LTBP2: variants seen among roughly 807,000 people sequenced by gnomAD.
The protein encoded by LTBP2 is latent-transforming growth factor beta-binding protein 2.
A neutral mutation model predicts 210.6 loss-of-function variants in LTBP2; 103 were observed. That is an observed-to-expected ratio of 0.49 (90% CI 0.42 to 0.58). The LOEUF (loss-of-function observed/expected upper bound fraction) is 0.58. LTBP2 is among the 20% of genes least tolerant of loss of function. The pLI, the probability that LTBP2 is intolerant of heterozygous loss-of-function variation, is 0.00. For missense variants in LTBP2, 2,313 were observed against 2,494.5 expected (o/e 0.93, Z 1.55); for synonymous variants, 1,007 against 1,015.0 (o/e 0.99, Z 0.15).
At chr14:74,580,533 G>A (rs1050890086) in intron 3 of LTBP2, among the ~76,000 whole-genome samples, 1 of 152,218 alleles carries the variant, frequency 6.6e-6, no homozygotes, top group Non-Finnish European at 1.5e-5. Context: ...CTAGCAGAGA[G>A]GCACAGAACC....
At chr14:74,506,919 A>ACT in intron 26 of LTBP2, 96 bp from the exon 27 acceptor site, 1 of 1,576,192 alleles carries the variant, frequency 6.3e-7, no homozygotes, top group Non-Finnish European at 8.6e-7. Flanking sequence ...ACGCATGCAC[A>ACT]CTCTCTCGTT....
Position 74,511,375 on chromosome 14 carries a change from G to C in LTBP2, c.2909-11C>G. 1 of 1,613,898 alleles carries C rather than the reference G, an allele frequency of 6.2e-7. No homozygotes were observed. The highest frequency in any genetic ancestry group is 8.5e-7 in the Non-Finnish European group (1 of 1,179,874). ...GGCATTCGTTGATATCTGCAAAACA[G>C]CAGCCCCTCCCTTGGTCATCCCTGG... On this transcript the variant is annotated splice_polypyrimidine_tract_variant and intron_variant, in intron 18 of 35. Coordinates refer to ENST00000261978, the MANE Select transcript of LTBP2 (RefSeq NM_000428.3).
chr14:74,540,097 C>A (rs753420551), intron 8 of LTBP2, among the ~76,000 whole-genome samples: 1 of 152,062 alleles, frequency 6.6e-6, no homozygotes, highest in Non-Finnish European at 1.5e-5. Context: ...GCCCTCAGCA[C>A]CCCTCCTCAC....
chr14:74,529,413 C>T, intron 10 of LTBP2, among the ~76,000 whole-genome samples: 1 of 152,206 alleles, frequency 6.6e-6, no homozygotes, highest in African/African-American at 2.4e-5. Context: ...TGCTTGTCTC[C>T]AGTGCCGAGT....
chr14:74,581,710 G>C (rs2088138926), intron 3 of LTBP2, among the ~76,000 whole-genome samples: 1 of 152,196 alleles, frequency 6.6e-6, no homozygotes, highest in South Asian at 2.1e-4. Context: ...ATTTCAGCCT[G>C]GTGAGACCCG....
At chr14:74,509,696 T>C (rs1407890141) in intron 21 of LTBP2, 38 bp downstream of exon 21, 9 of 1,613,544 alleles carry the variant, frequency 5.6e-6, no homozygotes, top group Admixed American at 1.7e-5. Flanking sequence ...AGACAGCCTA[T>C]ATTCTGTCCC....
chr14:74,524,933 C>G (rs2087252431), intron 15 of LTBP2, among the ~76,000 whole-genome samples, 191 bp downstream of exon 15: 1 of 152,206 alleles, frequency 6.6e-6, no homozygotes, highest in Admixed American at 6.5e-5. Flanking sequence ...CTTGTTTTCA[C>G]AAGAGGGACC....
intron 18 of LTBP2, among the ~76,000 whole-genome samples, chr14:74,512,971 G>A (rs188522561): frequency 2.0e-5 from 3 of 152,358 alleles, no homozygotes; most frequent in African/African-American, 7.2e-5. Context: ...CACTGAGAAT[G>A]AGCAGCAATC....
chr14:74,594,199 C>G (rs2088322622), intron 2 of LTBP2, among the ~76,000 whole-genome samples: 1 of 152,084 alleles, frequency 6.6e-6, no homozygotes, highest in African/African-American at 2.4e-5. Context: ...TATAGCCAGG[C>G]CCCTCCCCAC....
chr14:74,541,684 C>A (rs1181749464), intron 8 of LTBP2, among the ~76,000 whole-genome samples: 1 of 151,866 alleles, frequency 6.6e-6, no homozygotes, highest in Non-Finnish European at 1.5e-5. Context: ...AATGGAGGTA[C>A]CTGCCCAGTA....
chr14:74,528,388 GC>G, intron 12 of LTBP2, 94 bp downstream of exon 12: 1 of 1,384,248 alleles, frequency 7.2e-7, no homozygotes, highest in Non-Finnish European at 1.0e-6. Flanking sequence ...GAGATGGGAT[GC>G]CCAGGGACCC....
chr14:74,506,854 TGTG>T lies in LTBP2; in HGVS notation c.3908-34_3908-32del, dbSNP rs750230841. The T allele has an allele frequency of 1.3e-4, 131 of 983,508 alleles. 1 individual carries two copies. In the African/African-American group the frequency reaches 2.4e-3, roughly 18 times the overall value. The allele number at this position is 983,508 out of a possible 1,614,324, so 60.9% of individuals were successfully genotyped here. A position where few individuals can be genotyped will look rare whatever the true frequency, so the allele number is the denominator to read the frequency against. On this transcript the variant is annotated intron_variant, in intron 26 of 35. Transcript: ENST00000261978. ...GGACAGTGGGAACCAGGATAGAGGA[TGTG>T]TGTGTGTGTGTGTGTGTGTGTGCGC...
chr14:74,570,942 A>AC (rs2087966831), intron 3 of LTBP2, among the ~76,000 whole-genome samples: 1 of 151,982 alleles, frequency 6.6e-6, no homozygotes, highest in Non-Finnish European at 1.5e-5. Context: ...GGCTCAGATA[A>AC]CCCCCGAGGC....
rs763105628 is a variant in LTBP2 at position 74,555,551 on chromosome 14, C to G, written c.973G>C (p.Asp325His). 1 of 1,613,130 alleles carries G rather than the reference C, an allele frequency of 6.2e-7. No individual in the cohort carries two copies. Among genetic ancestry groups the G allele is most frequent in the Non-Finnish European group, 8.5e-7 (1 of 1,179,496 alleles). Residue 325 changes from aspartate (D) to histidine (H), a missense_variant, in exon 4 of 36, where the codon GAT becomes CAT. Asp to His is a moderately conservative substitution (Grantham distance 81, BLOSUM62 -1). Around this residue, in one of 3 missense-constraint regions of LTBP2, gnomAD observed 1,867 missense variants for 1,976.9 expected, o/e 0.94. Transcript: ENST00000261978. The part of the protein sequence containing the change: ...LPPGPGLEQR[D>H]GTQQAVPLEH... ...AGAGGTACCGCCTGTTGGGTGCCAT[C>G]TCTCTGCTCAAGGCCTGGTCCCGGG...
chr14:74,543,462 G>A (rs1320150486), intron 8 of LTBP2, among the ~76,000 whole-genome samples: 3 of 145,986 alleles, frequency 2.1e-5, no homozygotes, highest in Non-Finnish European at 4.5e-5. Flanking sequence ...AACAATAAAT[G>A]TCAGACTGAA....
chr14:74,604,298 C>T (rs746719346), intron 1 of LTBP2, among the ~76,000 whole-genome samples: 13 of 152,034 alleles, frequency 8.6e-5, no homozygotes, highest in Non-Finnish European at 1.8e-4. Flanking sequence ...TACCTGCCAA[C>T]GAATGCACAC....
At chr14:74,543,522 C>CTTCCTTCCCTCCCTTTTTCCTTCT in intron 8 of LTBP2, among the ~76,000 whole-genome samples, 1 of 150,648 alleles carries the variant, frequency 6.6e-6, no homozygotes. Context: ...GCCTGCCTGC[C>CTTCCTTCCCTCCCTTTTTCCTTCT]TGCCTTCCCT....
intron 2 of LTBP2, among the ~76,000 whole-genome samples, chr14:74,587,549 C>T (rs1436831469): frequency 6.6e-6 from 1 of 151,420 alleles, no homozygotes; most frequent in Admixed American, 6.6e-5. Context: ...AGGCGAAGAC[C>T]AGGCTGTGGA....
Position 74,528,670 on chromosome 14 carries a change from G to A in LTBP2, c.2181C>T (p.Gly727=). Residue 727 remains glycine, a synonymous_variant, in exon 12 of 36, where the codon GGC becomes GGT. Transcript: ENST00000261978. The part of the protein sequence containing the change: ...TEAFREICPA[G]HGYTYASSDI... Reference sequence around the variant, plus strand: ...CGGAGCTCGCGTAGGTGTAGCCGTGGCCGGCAGGGCAGATCTCTCTGAAGG... The same window carrying A: ...CGGAGCTCGCGTAGGTGTAGCCGTGACCGGCAGGGCAGATCTCTCTGAAGG... The A allele has an allele frequency of 6.2e-7, 1 of 1,612,830 alleles. No individual in the cohort carries two copies. Among genetic ancestry groups the A allele is most frequent in the Non-Finnish European group, 8.5e-7 (1 of 1,180,042 alleles).
Sources: gnomAD v4.1 joint callset for allele counts (sites outside exome capture counted in the v4.1 genomes callset) on GRCh38, gnomAD v4.1.1 for gene constraint, gnomAD v4.1.1 regional missense constraint, MANE v1.5 for transcripts, NCBI Gene and HGNC (gene_info 2026-07-23, HGNC 2026-07-21) for gene names.